The following AGAP1 variants were observed in gnomAD, a reference collection of about 807,000 sequenced individuals.
The protein encoded by AGAP1 is arf-GAP with GTPase, ANK repeat and PH domain-containing protein 1.
AGAP1 carries 29 observed loss-of-function variants against 105.3 expected under a neutral mutation model. The ratio of observed to expected loss-of-function variants is 0.28; its 90% CI spans 0.21 to 0.38. AGAP1 has a LOEUF of 0.38. Among genes scored for constraint, AGAP1 ranks in the 10% least tolerant of loss-of-function variants. AGAP1 has a pLI of 1.00. For missense variants in AGAP1, 998 were observed against 1,165.1 expected (o/e 0.86, Z 2.09); for synonymous variants, 509 against 485.9 (o/e 1.05, Z -0.63).
intron 1 of AGAP1, among the ~76,000 whole-genome samples, chr2:235,604,273 G>C (rs1413432679): frequency 6.6e-6 from 1 of 151,984 alleles, no homozygotes; most frequent in Non-Finnish European, 1.5e-5. Flanking sequence ...TTACTCCAGG[G>C]ATTTGAGACC....
intron 1 of AGAP1, among the ~76,000 whole-genome samples, chr2:235,650,347 G>A (rs1029113451): frequency 1.3e-5 from 2 of 152,198 alleles, no homozygotes; most frequent in African/African-American, 4.8e-5. Flanking sequence ...GGGTCACAGA[G>A]TGAGTTCTGG....
chr2:235,583,015 A>C (rs1225666029), intron 1 of AGAP1, among the ~76,000 whole-genome samples: 1 of 152,194 alleles, frequency 6.6e-6, no homozygotes, highest in Admixed American at 6.5e-5. Context: ...ATAGTTCCCT[A>C]GTAAACTGGC....
At chr2:235,966,374 G>T (rs193301033) in intron 12 of AGAP1, among the ~76,000 whole-genome samples, 64 of 152,122 alleles carry the variant, frequency 4.2e-4, no homozygotes, top group African/African-American at 1.4e-3. Flanking sequence ...AGGGCGAGAA[G>T]GCCAGTAGAG....
Position 235,721,269 on chromosome 2 carries a change from A to C in AGAP1, c.310+3625A>C, listed in dbSNP as rs1428801999. Reference sequence around the variant, plus strand: ...GTGATCCACCTGCCTGGGCCTCCCAAAGTGCTGGGATTACAGGCATGAGCC... The same window carrying C: ...GTGATCCACCTGCCTGGGCCTCCCACAGTGCTGGGATTACAGGCATGAGCC... On this transcript the variant is annotated intron_variant, in intron 3 of 17. Coordinates refer to ENST00000304032, the MANE Select transcript of AGAP1 (RefSeq NM_001037131.3). The surrounding 1 kb of genome is among the most constrained non-coding windows in gnomAD (Gnocchi z 4.5). Among the ~76,000 whole-genome samples the C allele has an allele frequency of 6.6e-6, 1 of 152,222 alleles. No homozygotes were observed. Among genetic ancestry groups the C allele is most frequent in the Admixed American group, 6.5e-5 (1 of 15,288 alleles).
chr2:235,603,446 A>G (rs1020311034), intron 1 of AGAP1, among the ~76,000 whole-genome samples: 2 of 152,250 alleles, frequency 1.3e-5, no homozygotes, highest in Admixed American at 1.3e-4. Flanking sequence ...CAGAGTGCAC[A>G]GATATGTGCC....
At chr2:236,037,090 C>T (rs964598828) in intron 14 of AGAP1, among the ~76,000 whole-genome samples, 1 of 152,070 alleles carries the variant, frequency 6.6e-6, no homozygotes, top group Non-Finnish European at 1.5e-5. Flanking sequence ...AAGTAAATGC[C>T]CAGAATTCAA....
chr2:236,117,531 T>TG (rs2059800432), intron 16 of AGAP1, among the ~76,000 whole-genome samples: 1 of 152,212 alleles, frequency 6.6e-6, no homozygotes. Flanking sequence ...ATTGAATACT[T>TG]GCAGTTAGCA....
intron 1 of AGAP1, among the ~76,000 whole-genome samples, chr2:235,568,270 C>G (rs1944410609): frequency 6.6e-6 from 1 of 152,192 alleles, no homozygotes. Flanking sequence ...GGCGTGCTTG[C>G]AGGTTGATGA....
At chr2:235,500,809 A>T (rs1469650788) in intron 1 of AGAP1, among the ~76,000 whole-genome samples, 1 of 152,202 alleles carries the variant, frequency 6.6e-6, no homozygotes, top group Admixed American at 6.5e-5. Flanking sequence ...ACTGGAGAGG[A>T]GACCTAGAGC....
intron 6 of AGAP1, among the ~76,000 whole-genome samples, chr2:235,786,186 A>C (rs917120138): frequency 6.6e-6 from 1 of 152,214 alleles, no homozygotes; most frequent in Non-Finnish European, 1.5e-5. Context: ...TGGGATATTC[A>C]CTTGCCTCGT....
rs1950239677 is a variant in AGAP1 at position 235,701,129 on chromosome 2, A to G, written c.164-8050A>G. On this transcript the variant is annotated intron_variant, in intron 1 of 17. Coordinates refer to ENST00000304032, the MANE Select transcript of AGAP1 (RefSeq NM_001037131.3). This position sits in a 1 kb window ranked among gnomAD's most constrained non-coding sequence, Gnocchi z 4.1. ...TAGTTATATGTACATATTATATATT[A>G]TGTATATATGATATGCTCTATTTAG... Among the ~76,000 whole-genome samples, 1 of 148,024 alleles carries G rather than the reference A, an allele frequency of 6.8e-6. No individual in the cohort carries two copies. Among genetic ancestry groups the G allele is most frequent in the African/African-American group, 2.5e-5 (1 of 40,552 alleles).
In AGAP1 at chr2:235,714,459, G is replaced by C. The variant is rs1471822913; in HGVS notation, c.223-3098G>C. 6.6e-6 allele frequency among the ~76,000 whole-genome samples: 1 copy of C among 151,994 alleles called. No individual in the cohort carries two copies. The highest frequency in any genetic ancestry group is 6.6e-5 in the Admixed American group (1 of 15,258). ...TAAGAGTAGGTTTCGGGGAATGATT[G>C]ATATGGAAAGCTTTAGTTGCCTGGA... On this transcript the variant is annotated intron_variant, in intron 2 of 17. Transcript: ENST00000304032. The surrounding 1 kb of genome is among the most constrained non-coding windows in gnomAD (Gnocchi z 4.1).
chr2:236,083,908 TACAC>T lies in AGAP1; in HGVS notation c.2114+34633_2114+34636del, dbSNP rs369132084. ...GTGTATGCACACACACGTGCACACA[TACAC>T]ACACAGGCACACATATGCACACACC... On this transcript the variant is annotated intron_variant, in intron 16 of 17. Coordinates refer to ENST00000304032, the MANE Select transcript of AGAP1 (RefSeq NM_001037131.3). The surrounding 1 kb of genome is among the most constrained non-coding windows in gnomAD (Gnocchi z 5.3). 1.8e-4 allele frequency among the ~76,000 whole-genome samples: 27 copies of T among 152,058 alleles called. No individual in the cohort carries two copies. Among genetic ancestry groups the T allele is most frequent in the East Asian group, 3.9e-4 (2 of 5,184 alleles).
At position 235,979,213 on chromosome 2, in the gene AGAP1, C is replaced by T. The variant is rs2054989037; in HGVS notation, c.1645+10590C>T. 6.6e-6 allele frequency among the ~76,000 whole-genome samples: 1 copy of T among 151,384 alleles called. No homozygotes were observed. The highest frequency in any genetic ancestry group is 1.5e-5 in the Non-Finnish European group (1 of 67,956). On this transcript the variant is annotated intron_variant, in intron 13 of 17. Transcript: ENST00000304032. This position sits in a 1 kb window ranked among gnomAD's most constrained non-coding sequence, Gnocchi z 4.5. ...CTCAAATCCCTGGTCTCAAGAGATC[C>T]TCCCATGTCAGCTTCCTGAGTTGCT... is the stretch of plus-strand genomic sequence containing the variant.
intron 1 of AGAP1, among the ~76,000 whole-genome samples, chr2:235,554,595 G>A (rs375015248): frequency 6.6e-6 from 1 of 152,248 alleles, no homozygotes; most frequent in Non-Finnish European, 1.5e-5. Context: ...GAGGTTCCAA[G>A]TGCCTTGAAA....
At position 235,992,763 on chromosome 2, in the gene AGAP1, G is replaced by A. The variant is rs184865314; in HGVS notation, c.1645+24140G>A. ...GGGGATGCGTCGTGGGCGCCGAGGA[G>A]AGCGTAGCCTCCTGTTAACGTAGCC... On this transcript the variant is annotated intron_variant, in intron 13 of 17. Coordinates refer to ENST00000304032, the MANE Select transcript of AGAP1 (RefSeq NM_001037131.3). This position sits in a 1 kb window ranked among gnomAD's most constrained non-coding sequence, Gnocchi z 4.8. 8.8e-4 allele frequency among the ~76,000 whole-genome samples: 134 copies of A among 152,204 alleles called. No homozygotes were observed. The highest frequency in any genetic ancestry group is 1.7e-3 in the Non-Finnish European group (114 of 68,034).
chr2:235,776,822 A>G, intron 6 of AGAP1: 1 of 455,744 alleles, frequency 2.2e-6, no homozygotes. Flanking sequence ...CCCGTCCCTC[A>G]GGCATCGGCA....
At chr2:236,010,968 A>G (rs1401085081) in intron 13 of AGAP1, among the ~76,000 whole-genome samples, 3 of 152,074 alleles carry the variant, frequency 2.0e-5, no homozygotes, top group Non-Finnish European at 4.4e-5. Context: ...AATGGCTTGA[A>G]CCTGGGAGGT....
rs2059172125 is a variant in AGAP1, at chr2:236,095,567, A to G, written c.2115-24625A>G. Reference sequence around the variant, plus strand: ...AAAAAAAGACTCTCTAAAAAAATACAAGAAAAAGGGAAAATCTAACAGGAA... The same window carrying G: ...AAAAAAAGACTCTCTAAAAAAATACGAGAAAAAGGGAAAATCTAACAGGAA... On this transcript the variant is annotated intron_variant, in intron 16 of 17. Coordinates refer to ENST00000304032, the MANE Select transcript of AGAP1 (RefSeq NM_001037131.3). The surrounding 1 kb of genome is among the most constrained non-coding windows in gnomAD (Gnocchi z 4.1). Among the ~76,000 whole-genome samples the G allele has an allele frequency of 6.6e-6, 1 of 152,160 alleles. No individual in the cohort carries two copies. Among genetic ancestry groups the G allele is most frequent in the African/African-American group, 2.4e-5 (1 of 41,448 alleles).
Sources: gnomAD v4.1 joint callset for allele counts (sites outside exome capture counted in the v4.1 genomes callset) on GRCh38, gnomAD v4.1.1 for gene constraint, Gnocchi (gnomAD v3.1) non-coding constraint, MANE v1.5 for transcripts, NCBI Gene and HGNC (gene_info 2026-07-23, HGNC 2026-07-21) for gene names.